The following PTAR1 variants were observed in gnomAD, a reference collection of about 807,000 sequenced individuals.
PTAR1 encodes the protein protein prenyltransferase alpha subunit repeat-containing protein 1.
In PTAR1, 17 loss-of-function variants were observed where a neutral mutation model predicts 45.5. That is an observed-to-expected ratio of 0.37 (90% confidence interval 0.26 to 0.56). The LOEUF is 0.56. Ranked by LOEUF, PTAR1 falls within the 20% of genes least tolerant of loss-of-function variation. PTAR1 has a pLI of 0.77. For synonymous variants in PTAR1, 169 were observed against 171.3 expected, an observed-to-expected ratio of 0.99 and a Z score of 0.11; for missense variants, 391 against 476.3, an observed-to-expected ratio of 0.82 and a Z score of 1.67.
At chr9:69,737,806 C>T (rs1460024794) in intron 3 of PTAR1, among the ~76,000 whole-genome samples, 1 of 152,094 alleles carries the variant, frequency 6.6e-6, no homozygotes, top group Non-Finnish European at 1.5e-5. Context: ...ATTGCTGATA[C>T]TCAATCTTTT....
At chr9:69,752,857 CATT>C (rs1263365544) in intron 1 of PTAR1, among the ~76,000 whole-genome samples, 1 of 152,012 alleles carries the variant, frequency 6.6e-6, no homozygotes, top group Non-Finnish European at 1.5e-5. Context: ...CTATCTAATT[CATT>C]ATTATGACCC....
At chr9:69,733,747 A>G (rs560635353) in intron 4 of PTAR1, among the ~76,000 whole-genome samples, 46 of 152,330 alleles carry the variant, frequency 3.0e-4, no homozygotes, top group African/African-American at 1.1e-3. Context: ...AAATGCTTTT[A>G]AAATCCATAT....
intron 2 of PTAR1, among the ~76,000 whole-genome samples, chr9:69,748,956 C>CGGCCGGGCGCGGTGGCT: frequency 6.6e-6 from 1 of 152,266 alleles, no homozygotes; most frequent in Non-Finnish European, 1.5e-5. Context: ...AAAACTGCTT[C>CGGCCGGGCGCGGTGGCT]CATGGGGATG....
intron 1 of PTAR1, among the ~76,000 whole-genome samples, chr9:69,759,019 TCTC>T (rs1368967610): frequency 6.6e-6 from 1 of 151,058 alleles, no homozygotes; most frequent in Non-Finnish European, 1.5e-5. Context: ...TCTCTCTCTC[TCTC>T]AATAGCTTTC....
intron 3 of PTAR1, among the ~76,000 whole-genome samples, chr9:69,735,273 A>G (rs1007191724): frequency 1.3e-5 from 2 of 152,226 alleles, no homozygotes; most frequent in Non-Finnish European, 2.9e-5. Context: ...CAAGGATACC[A>G]AAATCTGCGA....
intron 2 of PTAR1, among the ~76,000 whole-genome samples, chr9:69,748,892 T>C (rs2134158740): frequency 6.6e-6 from 1 of 152,224 alleles, no homozygotes; most frequent in South Asian, 2.1e-4. Context: ...ACCTGAGTAG[T>C]ATGTGACACC....
chr9:69,746,906 G>A (rs1465585849), intron 2 of PTAR1, among the ~76,000 whole-genome samples: 1 of 152,190 alleles, frequency 6.6e-6, no homozygotes, highest in Non-Finnish European at 1.5e-5. Flanking sequence ...AAAGGTTTTC[G>A]TGCATCTAGA....
At chr9:69,723,138 A>AATG (rs1033164519) in intron 6 of PTAR1, among the ~76,000 whole-genome samples, 188 bp downstream of exon 6, 78 of 3,758 alleles carry the variant, frequency 0.021, no homozygotes, top group Admixed American at 0.075. Context: ...ATCTCTTATT[A>AATG]ATGATGATGA....
intron 2 of PTAR1, among the ~76,000 whole-genome samples, chr9:69,749,185 G>C (rs1826414254): frequency 6.6e-6 from 1 of 152,138 alleles, no homozygotes; most frequent in Non-Finnish European, 1.5e-5. Flanking sequence ...AGAGGACTTG[G>C]AAGACCACAG....
rs773590753 is a variant in PTAR1, at chr9:69,713,063, TAAC to T, written c.*5276_*5278del. 11 of 152,128 alleles carry T rather than the reference TAAC, an allele frequency of 7.2e-5. No individual in the cohort carries two copies. The highest frequency in any genetic ancestry group is 1.6e-4 in the Non-Finnish European group (11 of 67,998). The allele number at this position is 152,128 out of a possible 1,614,324, so 9.4% of individuals were successfully genotyped here. A position where few individuals can be genotyped will look rare whatever the true frequency, so the allele number is the denominator to read the frequency against. ...ACTAAATCTTCTACACCCTGAGGAA[TAAC>T]AACAGACTAATAAAAGTAACGTCAG... On this transcript the variant is annotated 3_prime_UTR_variant, in exon 8 of 8. Coordinates refer to ENST00000340434, the MANE Select transcript of PTAR1 (RefSeq NM_001099666.2).
chr9:69,714,893 A>G lies in PTAR1; in HGVS notation c.*3449T>C, dbSNP rs1824667882. 1 of 152,134 alleles carries G rather than the reference A, an allele frequency of 6.6e-6. No homozygotes were observed. 9.4% of individuals were successfully genotyped at this position (152,134 alleles called of 1,614,324 possible). A position where few individuals can be genotyped will look rare whatever the true frequency, so the allele number is the denominator to read the frequency against. ...TTAAAAAATGACTCATACAGATTTA[A>G]GAAATATCTGAAAGAGTCACAGTTC... On this transcript the variant is annotated 3_prime_UTR_variant, in exon 8 of 8. Coordinates refer to ENST00000340434, the MANE Select transcript of PTAR1 (RefSeq NM_001099666.2).
chr9:69,738,247 T>C (rs1363280491), intron 3 of PTAR1, among the ~76,000 whole-genome samples: 3 of 152,204 alleles, frequency 2.0e-5, no homozygotes, highest in Non-Finnish European at 4.4e-5. Context: ...AGTGACATTT[T>C]CACTGCATCA....
intron 3 of PTAR1, among the ~76,000 whole-genome samples, chr9:69,737,818 T>G (rs550620510): frequency 1.3e-5 from 2 of 152,314 alleles, no homozygotes; most frequent in South Asian, 4.1e-4. Context: ...CAATCTTTTT[T>G]TAAAAATAAA....
intron 1 of PTAR1, among the ~76,000 whole-genome samples, chr9:69,756,481 T>C (rs1366959812): frequency 6.6e-6 from 1 of 152,214 alleles, no homozygotes; most frequent in East Asian, 1.9e-4. Context: ...GAGACCAGCA[T>C]TGTGCCTGTC....
chr9:69,719,166 T>C (rs1359631236), intron 6 of PTAR1, among the ~76,000 whole-genome samples: 1 of 152,272 alleles, frequency 6.6e-6, no homozygotes, highest in East Asian at 1.9e-4. Flanking sequence ...AAATAACATA[T>C]CTGTTGTAGT....
intron 5 of PTAR1, among the ~76,000 whole-genome samples, chr9:69,724,041 T>C (rs145623714): frequency 0.011 from 1,712 of 152,292 alleles, 36 homozygotes; most frequent in African/African-American, 0.038. Context: ...TTATTTTACA[T>C]TTAATAAATG....
chr9:69,723,192 T>A (rs1825110214), intron 6 of PTAR1, 134 bp downstream of exon 6: 1 of 711,572 alleles, frequency 1.4e-6, no homozygotes, highest in Admixed American at 2.4e-5. Context: ...CCTCTTGTAT[T>A]CACTCAGGCA....
chr9:69,735,313 G>A lies in PTAR1; in HGVS notation c.324-1059C>T, dbSNP rs141355775. 9.9e-4 allele frequency among the ~76,000 whole-genome samples: 151 copies of A among 152,180 alleles called. No homozygotes were observed. In the East Asian group the frequency reaches 0.023, roughly 23 times the overall value. On this transcript the variant is annotated intron_variant, in intron 3 of 7. Transcript: ENST00000340434. ...TCAAGTCCTTGATATAAAATGTGTT[G>A]CCATATAACCTACACACATCCTCCC...
At position 69,729,513 on chromosome 9, in the gene PTAR1, CT is replaced by C. The variant is rs199516483; in HGVS notation, c.642+2625del. Among the ~76,000 whole-genome samples the C allele has an allele frequency of 2.5e-4, 38 of 152,234 alleles. No homozygotes were observed. The East Asian group carries it at 6.0e-3, about 24-fold the overall frequency. On this transcript the variant is annotated intron_variant, in intron 5 of 7. Coordinates refer to ENST00000340434, the MANE Select transcript of PTAR1 (RefSeq NM_001099666.2). ...TAGTTTTTCACTACTATAAATGCTA[CT>C]TTTATATATCAAACTTCTATATTTA...
Sources: gnomAD v4.1 joint callset for allele counts (sites outside exome capture counted in the v4.1 genomes callset) on GRCh38, gnomAD v4.1.1 for gene constraint, MANE v1.5 for transcripts, NCBI Gene and HGNC (gene_info 2026-07-23, HGNC 2026-07-21) for gene names.